The following SLC2A9 variants were observed in gnomAD, a reference collection of about 807,000 sequenced individuals.
SLC2A9 encodes the protein solute carrier family 2, facilitated glucose transporter member 9.
SLC2A9 carries 39 observed loss-of-function variants against 50.6 expected under a neutral mutation model. The ratio of observed to expected loss-of-function variants is 0.77; its 90% CI spans 0.60 to 1.01. SLC2A9 has a LOEUF of 1.01. Among genes scored for constraint, SLC2A9 ranks in the 50% least tolerant of loss-of-function variants. The probability of loss-of-function intolerance (pLI) is 0.00; values close to 1 mark genes in which losing one functional copy is unlikely to be tolerated. For missense variants in SLC2A9, 686 were observed against 677.6 expected (o/e 1.01, Z -0.14); for synonymous variants, 324 against 276.9 (o/e 1.17, Z -1.69).
rs141052607 is a variant in SLC2A9, at chr4:9,985,501, AT to A, written c.535+167del. Among the ~76,000 whole-genome samples the A allele has an allele frequency of 6.7e-3, 1,017 of 152,304 alleles. 7 individuals are homozygous for A. The highest frequency in any genetic ancestry group is 0.023 in the African/African-American group (975 of 41,584). On this transcript the variant is annotated intron_variant, in intron 4 of 11. Transcript: ENST00000264784. ...TAGAGCATCATGAATGGGATGGTTC[AT>A]CCCACAGGACTGTCCCACTTTATGC...
chr4:9,919,431 T>G (rs1743497651), intron 7 of SLC2A9, among the ~76,000 whole-genome samples: 1 of 152,116 alleles, frequency 6.6e-6, no homozygotes, highest in Non-Finnish European at 1.5e-5. Context: ...TATGCTGCTG[T>G]TTTTCCTTCT....
rs559864386 is a variant in SLC2A9, at chr4:9,821,052, C to CT, written n.420+5367dup. Among the ~76,000 whole-genome samples, 4 of 152,268 alleles carry CT rather than the reference C, an allele frequency of 2.6e-5. No individual in the cohort carries two copies. The South Asian group carries it at 8.3e-4, about 32-fold the overall frequency. ...TAGTTTTGCGCCACTAAATATGATG[C>CT]TAGCTGTATCTTTTTTGTAGATACT... On this transcript the variant is annotated intron_variant and non_coding_transcript_variant, in intron 3 of 3. Coordinates refer to the SLC2A9 transcript ENST00000503280.
intron 11 of SLC2A9, among the ~76,000 whole-genome samples, chr4:9,831,038 C>G (rs776217122): frequency 6.6e-6 from 1 of 152,160 alleles, no homozygotes; most frequent in Non-Finnish European, 1.5e-5. Flanking sequence ...AGGCGTGATT[C>G]GTGCCGTTGT....
chr4:9,809,881 A>G (rs139687017), intron 3 of SLC2A9, among the ~76,000 whole-genome samples: 2 of 149,638 alleles, frequency 1.3e-5, no homozygotes, highest in African/African-American at 2.5e-5. Context: ...TTCATGTGAT[A>G]TATTAAGTCA....
intron 3 of SLC2A9, 120 bp from the exon 4 acceptor site, chr4:9,985,913 A>C: frequency 1.4e-6 from 2 of 1,406,128 alleles, no homozygotes; most frequent in Non-Finnish European, 9.9e-7. Context: ...ACTCAGGCAC[A>C]GTGCAGGGAG....
At chr4:9,981,272 G>A (rs796825943) in intron 4 of SLC2A9, among the ~76,000 whole-genome samples, 4 of 30,314 alleles carry the variant, frequency 1.3e-4, no homozygotes, top group African/African-American at 4.5e-4. Flanking sequence ...TGGTGATAGT[G>A]GTGGTGGTAG....
intron 3 of SLC2A9, among the ~76,000 whole-genome samples, chr4:9,813,245 G>A (rs1723111004): frequency 6.6e-6 from 1 of 152,198 alleles, no homozygotes; most frequent in Non-Finnish European, 1.5e-5. Context: ...GCTTTTCAGA[G>A]TCTAGACCAA....
chr4:9,856,602 C>T (rs1730752293), intron 10 of SLC2A9, among the ~76,000 whole-genome samples: 1 of 152,136 alleles, frequency 6.6e-6, no homozygotes, highest in Admixed American at 6.5e-5. Flanking sequence ...TCCAGCAGTC[C>T]CATTATTGGG....
At chr4:9,914,329 G>A (rs1261618553) in intron 7 of SLC2A9, among the ~76,000 whole-genome samples, 2 of 152,168 alleles carry the variant, frequency 1.3e-5, no homozygotes, top group Admixed American at 6.5e-5. Flanking sequence ...TGTGCTTCAC[G>A]GCAATGTATG....
At chr4:9,783,099 T>C (rs1718721516) in intron 3 of SLC2A9, 1 of 1,614,180 alleles carries the variant, frequency 6.2e-7, no homozygotes, top group Non-Finnish European at 8.5e-7. Flanking sequence ...CTCAACCCCG[T>C]CATCTATGCC....
At chr4:9,943,805 C>T (rs1748621954) in intron 5 of SLC2A9, among the ~76,000 whole-genome samples, 1 of 152,134 alleles carries the variant, frequency 6.6e-6, no homozygotes, top group South Asian at 2.1e-4. Context: ...AAAACAGAAT[C>T]TGAGAAAACA....
At chr4:10,015,489 C>T (rs1456575128) in intron 2 of SLC2A9, among the ~76,000 whole-genome samples, 1 of 152,112 alleles carries the variant, frequency 6.6e-6, no homozygotes. Flanking sequence ...GAATTGTGTC[C>T]CCTCCAAAAA....
intron 1 of SLC2A9, among the ~76,000 whole-genome samples, chr4:9,773,021 C>A (rs1217147359): frequency 6.6e-6 from 1 of 152,158 alleles, no homozygotes; most frequent in African/African-American, 2.4e-5. Context: ...AGGATATGAA[C>A]CCAGGACTGT....
intron 4 of SLC2A9, 56 bp from the exon 5 acceptor site, chr4:9,980,793 C>G: frequency 1.9e-6 from 3 of 1,611,954 alleles, no homozygotes; most frequent in Non-Finnish European, 1.7e-6. Flanking sequence ...GGGAGCTGCA[C>G]TCTGGTTACA....
chr4:9,804,416 C>T (rs1721858852), intron 3 of SLC2A9, among the ~76,000 whole-genome samples: 2 of 151,556 alleles, frequency 1.3e-5, no homozygotes, highest in Middle Eastern at 3.4e-3. Context: ...TTCCTCACTT[C>T]CTTCACCCAT....
intron 5 of SLC2A9, among the ~76,000 whole-genome samples, chr4:9,961,610 C>T (rs1413855306): frequency 6.6e-6 from 1 of 152,142 alleles, no homozygotes; most frequent in Non-Finnish European, 1.5e-5. Flanking sequence ...ACTATAAAAA[C>T]CCTAGAAGAA....
At chr4:9,984,790 C>T (rs549946075) in intron 4 of SLC2A9, among the ~76,000 whole-genome samples, 1 of 152,310 alleles carries the variant, frequency 6.6e-6, no homozygotes, top group South Asian at 2.1e-4. Context: ...TGATTCCACT[C>T]CTGGCTTCCC....
At chr4:9,808,805 C>T (rs1200541779) in intron 3 of SLC2A9, among the ~76,000 whole-genome samples, 1 of 152,174 alleles carries the variant, frequency 6.6e-6, no homozygotes, top group Non-Finnish European at 1.5e-5. Context: ...GAATCTCTCT[C>T]CTCTGTCCTA....
rs771351507 is a variant in SLC2A9 at position 9,835,008 on chromosome 4, C to G, written c.1292G>C (p.Gly431Ala). The part of the protein sequence containing the change: ...AIIASFCSGP[G>A]GIPFILTGEF... The stretch of plus-strand genomic sequence containing the variant: ...ACCAGTCAAGATGAACGGGATGCCA[C>G]CTGCAGTGTGTGAGCCAGGACATGG... The change falls in exon 11 of 12, where the codon GGT becomes GCT. Residue 431 changes from glycine to alanine, a missense_variant and splice_region_variant. Coordinates refer to ENST00000264784, the MANE Select transcript of SLC2A9 (RefSeq NM_020041.3). 1 of 1,613,250 alleles carries G rather than the reference C, an allele frequency of 6.2e-7. No individual in the cohort carries two copies.
Sources: allele counts gnomAD v4.1 joint callset (sites outside exome capture counted in the v4.1 genomes callset), GRCh38; gene constraint gnomAD v4.1.1; transcripts MANE v1.5; gene names NCBI Gene and HGNC (gene_info 2026-07-23, HGNC 2026-07-21).